CNTNAP5: variants seen among roughly 807,000 people sequenced by gnomAD.
The protein encoded by CNTNAP5 is contactin-associated protein-like 5.
In CNTNAP5, 72 loss-of-function variants were observed where a neutral mutation model predicts 150.2. The ratio of observed to expected loss-of-function variants is 0.48; its 90% CI spans 0.40 to 0.58. CNTNAP5 has a LOEUF of 0.58. Ranked by LOEUF, CNTNAP5 falls within the 20% of genes least tolerant of loss-of-function variation. CNTNAP5 has a pLI of 0.00. For synonymous variants in CNTNAP5, 672 were observed against 619.8 expected (o/e 1.08, Z -1.25); for missense variants, 1,636 against 1,626.2 (o/e 1.01, Z -0.10).
intron 3 of CNTNAP5, among the ~76,000 whole-genome samples, chr2:124,329,901 T>A (rs1304828872): frequency 6.6e-6 from 1 of 152,204 alleles, no homozygotes; most frequent in Non-Finnish European, 1.5e-5. Flanking sequence ...TAGAAGGCAG[T>A]CAGTTGAGAA....
chr2:124,220,085 A>G (rs976626435), intron 1 of CNTNAP5, among the ~76,000 whole-genome samples: 2 of 152,244 alleles, frequency 1.3e-5, no homozygotes, highest in East Asian at 1.9e-4. Context: ...TCCTGCAGTT[A>G]GTTAAAATAC....
chr2:124,610,580 C>A (rs533743125), intron 12 of CNTNAP5, among the ~76,000 whole-genome samples: 81 of 152,306 alleles, frequency 5.3e-4, no homozygotes, highest in African/African-American at 1.9e-3. Flanking sequence ...GCAATCATTA[C>A]ATGGGCTTAG....
At chr2:124,611,204 G>T (rs1209243001) in intron 12 of CNTNAP5, among the ~76,000 whole-genome samples, 1 of 152,190 alleles carries the variant, frequency 6.6e-6, no homozygotes, top group Non-Finnish European at 1.5e-5. Flanking sequence ...TTTAGATACA[G>T]AGGGTATGAA....
At chr2:124,876,044 C>T (rs771954934) in intron 21 of CNTNAP5, among the ~76,000 whole-genome samples, 3 of 152,046 alleles carry the variant, frequency 2.0e-5, no homozygotes, top group Admixed American at 1.3e-4. Flanking sequence ...GACTGCTTAC[C>T]GCTTGGAGGT....
At chr2:124,877,020 TG>T (rs1677873717) in intron 21 of CNTNAP5, among the ~76,000 whole-genome samples, 2 of 151,412 alleles carry the variant, frequency 1.3e-5, no homozygotes, top group Non-Finnish European at 2.9e-5. Context: ...CTGGGTTAGA[TG>T]GGATTTTTGT....
intron 3 of CNTNAP5, among the ~76,000 whole-genome samples, chr2:124,332,617 A>T (rs565046385): frequency 6.6e-6 from 1 of 151,786 alleles, no homozygotes; most frequent in South Asian, 2.1e-4. Flanking sequence ...ATGAACACTC[A>T]TTTAATTTAA....
At chr2:124,571,869 G>A (rs1281356061) in intron 11 of CNTNAP5, among the ~76,000 whole-genome samples, 1 of 151,730 alleles carries the variant, frequency 6.6e-6, no homozygotes, top group Admixed American at 6.6e-5. Context: ...AGATGTTTAG[G>A]GAGAAGATGG....
At chr2:124,297,386 AATG>A (rs891692856) in intron 3 of CNTNAP5, among the ~76,000 whole-genome samples, 2 of 152,148 alleles carry the variant, frequency 1.3e-5, no homozygotes, top group Admixed American at 6.6e-5. Context: ...AATGCACAGG[AATG>A]ATACACCCTT....
chr2:124,176,864 C>A (rs6747933), intron 1 of CNTNAP5, among the ~76,000 whole-genome samples: 2 of 140,058 alleles, frequency 1.4e-5, no homozygotes, highest in African/African-American at 2.7e-5. Flanking sequence ...TTTTTTTTTA[C>A]ATGGCGTTTC....
At position 124,629,056 on chromosome 2, in the gene CNTNAP5, A is replaced by G. The variant is rs149374416; in HGVS notation, c.1877-18702A>G. Reference sequence around the variant, plus strand: ...CCAATACAGGAACACCTAGATTTATAAAACAAGTTCTTAGAGACCCACAAA... The same window carrying G: ...CCAATACAGGAACACCTAGATTTATGAAACAAGTTCTTAGAGACCCACAAA... On this transcript the variant is annotated intron_variant, in intron 12 of 23. Coordinates refer to ENST00000682447, the MANE Select transcript of CNTNAP5 (RefSeq NM_001367498.1). Among the ~76,000 whole-genome samples the G allele has an allele frequency of 9.2e-5, 14 of 152,342 alleles. No individual in the cohort carries two copies. The East Asian group carries it at 2.3e-3, about 25-fold the overall frequency.
intron 3 of CNTNAP5, among the ~76,000 whole-genome samples, chr2:124,386,764 C>T (rs1305315214): frequency 2.6e-5 from 4 of 152,118 alleles, no homozygotes; most frequent in Non-Finnish European, 5.9e-5. Context: ...TGATCATGCT[C>T]TGTAGGTTCT....
chr2:124,142,167 T>G lies in CNTNAP5; in HGVS notation c.83-79538T>G, dbSNP rs1476956249. On this transcript the variant is annotated intron_variant, in intron 1 of 23. Coordinates refer to ENST00000682447, the MANE Select transcript of CNTNAP5 (RefSeq NM_001367498.1). The stretch of plus-strand genomic sequence containing the variant: ...AGTCCTGAGTGACCTACAAAGAGAC[T>G]TAGACTCCCACACATTAATAATGGG... Among the ~76,000 whole-genome samples, 3 of 122,670 alleles carry G rather than the reference T, an allele frequency of 2.4e-5. No homozygotes were observed. The Admixed American group carries it at 2.6e-4, about 11-fold the overall frequency. 80.5% of individuals were successfully genotyped at this position (122,670 alleles called of 152,430 possible). A position where few individuals can be genotyped will look rare whatever the true frequency, so the allele number is the denominator to read the frequency against.
intron 1 of CNTNAP5, among the ~76,000 whole-genome samples, chr2:124,173,510 T>C (rs1684986495): frequency 6.6e-6 from 1 of 152,196 alleles, no homozygotes; most frequent in African/African-American, 2.4e-5. Flanking sequence ...AAAATGTTAG[T>C]AGTCTGGACA....
At chr2:124,477,693 CTT>C (rs1693673708) in intron 7 of CNTNAP5, among the ~76,000 whole-genome samples, 1 of 139,730 alleles carries the variant, frequency 7.2e-6, no homozygotes, top group African/African-American at 2.7e-5. Context: ...GGTTTGGAGT[CTT>C]GGGCTATGGA....
intron 13 of CNTNAP5, among the ~76,000 whole-genome samples, chr2:124,649,903 A>G (rs1678283947): frequency 6.6e-6 from 1 of 152,218 alleles, no homozygotes; most frequent in African/African-American, 2.4e-5. Context: ...TTGTTCCATA[A>G]TGGGAAACAA....
chr2:124,412,651 C>T (rs199745675), intron 3 of CNTNAP5, among the ~76,000 whole-genome samples: 32,586 of 120,534 alleles, frequency 0.27, 4,858 homozygotes, highest in African/African-American at 0.47. Context: ...ATTTAATAAA[C>T]GGTGCTGGGA....
intron 3 of CNTNAP5, among the ~76,000 whole-genome samples, chr2:124,297,559 T>C (rs7592591): frequency 0.16 from 25,040 of 152,130 alleles, 2,272 homozygotes; most frequent in South Asian, 0.29. Context: ...CAATGTCTCC[T>C]GCTCCCTCAT....
chr2:124,901,082 G>T (rs961100213), intron 21 of CNTNAP5, among the ~76,000 whole-genome samples: 1 of 151,600 alleles, frequency 6.6e-6, no homozygotes, highest in Non-Finnish European at 1.5e-5. Context: ...TTGAATATTT[G>T]GAAGATAGAA....
intron 3 of CNTNAP5, among the ~76,000 whole-genome samples, chr2:124,288,998 A>G (rs1285985526): frequency 6.6e-6 from 1 of 152,204 alleles, no homozygotes; most frequent in African/African-American, 2.4e-5. Flanking sequence ...AAACCATAAG[A>G]CTTTAGAATT....
Sources: allele counts gnomAD v4.1 joint callset (sites outside exome capture counted in the v4.1 genomes callset), GRCh38; gene constraint gnomAD v4.1.1; transcripts MANE v1.5; gene names NCBI Gene and HGNC (gene_info 2026-07-23, HGNC 2026-07-21).